The following TSHZ2 variants were observed in gnomAD, a reference collection of about 807,000 sequenced individuals.
TSHZ2 encodes teashirt zinc finger homeobox 2.
A neutral mutation model predicts 74.4 loss-of-function variants in TSHZ2; 21 were observed. The ratio of observed to expected loss-of-function variants is 0.28; its 90% CI spans 0.20 to 0.41. The LOEUF (loss-of-function observed/expected upper bound fraction) is 0.41, where lower values mean the gene tolerates loss of function less well. Among genes scored for constraint, TSHZ2 ranks in the 10% least tolerant of loss-of-function variants. The pLI, the probability that TSHZ2 is intolerant of heterozygous loss-of-function variation, is 1.00. For synonymous variants in TSHZ2, 540 were observed against 515.3 expected (o/e 1.05, Z -0.65); for missense variants, 1,244 against 1,293.5 (o/e 0.96, Z 0.59).
At chr20:53,233,014 T>C (rs1304227409) in intron 1 of TSHZ2, among the ~76,000 whole-genome samples, 1 of 152,242 alleles carries the variant, frequency 6.6e-6, no homozygotes, top group Non-Finnish European at 1.5e-5. Flanking sequence ...TTAAAAAAGA[T>C]CTTTATAATG....
In TSHZ2 at chr20:53,254,538, T is replaced by TGGCTACCAAAATGGAGCC. The variant is rs1990418902; in HGVS notation, c.1081_1098dup (p.Gly361_Ala366dup). On this transcript the variant is annotated inframe_insertion, in exon 2 of 3. Coordinates refer to ENST00000371497, the MANE Select transcript of TSHZ2 (RefSeq NM_173485.6). ...TGCAGTTGTCCTCCAACAACCGCTATGGCTACCAAAATGGAGCCAGCTACA... is the reference window on the plus strand; with the variant it reads ...TGCAGTTGTCCTCCAACAACCGCTATGGCTACCAAAATGGAGCCGGCTACCAAAATGGAGCCAGCTACA... The TGGCTACCAAAATGGAGCC allele has an allele frequency of 6.2e-7, 1 of 1,613,900 alleles. No homozygotes were observed. Among genetic ancestry groups the TGGCTACCAAAATGGAGCC allele is most frequent in the Admixed American group, 1.7e-5 (1 of 59,996 alleles).
intron 2 of TSHZ2, among the ~76,000 whole-genome samples, chr20:53,414,739 C>A (rs1983176919): frequency 6.6e-6 from 1 of 152,164 alleles, no homozygotes; most frequent in South Asian, 2.1e-4. Flanking sequence ...TAGACTTAAA[C>A]CAAGGGCTCA....
At chr20:53,041,090 C>G (rs957696551) in intron 1 of TSHZ2, among the ~76,000 whole-genome samples, 4 of 152,190 alleles carry the variant, frequency 2.6e-5, no homozygotes, top group African/African-American at 9.6e-5. Flanking sequence ...AATTACCAGA[C>G]AGTGGACTGA....
intron 2 of TSHZ2, chr20:53,399,215 G>A (rs529855288): frequency 6.6e-6 from 1 of 152,238 alleles, no homozygotes; most frequent in South Asian, 2.1e-4. Flanking sequence ...ATTCACACAC[G>A]ATAATTTAAA....
chr20:53,447,208 A>G (rs1383262943), intron 2 of TSHZ2, among the ~76,000 whole-genome samples: 1 of 152,006 alleles, frequency 6.6e-6, no homozygotes, highest in Non-Finnish European at 1.5e-5. Context: ...TTGTAGGACC[A>G]CTCACCGGAC....
chr20:53,472,639 A>AG (rs1259464022), intron 2 of TSHZ2, among the ~76,000 whole-genome samples: 2 of 147,840 alleles, frequency 1.4e-5, no homozygotes, highest in African/African-American at 5.4e-5. Flanking sequence ...AGAGCTCCTC[A>AG]GGGGGGAGGG....
At chr20:53,233,895 T>C (rs1195345176) in intron 1 of TSHZ2, among the ~76,000 whole-genome samples, 1 of 152,178 alleles carries the variant, frequency 6.6e-6, no homozygotes, top group Non-Finnish European at 1.5e-5. Flanking sequence ...ATAACATGCT[T>C]TGGATTTTCT....
At chr20:53,243,680 A>G (rs1990124821) in intron 1 of TSHZ2, among the ~76,000 whole-genome samples, 1 of 152,192 alleles carries the variant, frequency 6.6e-6, no homozygotes, top group Non-Finnish European at 1.5e-5. Flanking sequence ...CAATGACATG[A>G]AAATTCTTTC....
At position 53,394,904 on chromosome 20, in the gene TSHZ2, A is replaced by T. The variant is rs1007754547; in HGVS notation, c.*9-92240A>T. 2.5e-4 allele frequency among the ~76,000 whole-genome samples: 32 copies of T among 128,842 alleles called. 1 individual carries two copies. Among genetic ancestry groups the T allele is most frequent in the African/African-American group, 9.7e-4 (32 of 33,130 alleles). The allele number at this position is 128,842 out of a possible 152,430, so 84.5% of individuals were successfully genotyped here. A position where few individuals can be genotyped will look rare whatever the true frequency, so the allele number is the denominator to read the frequency against. Reference sequence around the variant, plus strand: ...AAAAAAAAGATCCAAAGTCCCCTCCACATGCAGCCTCCACTGGCTCTGTTC... The same window carrying T: ...AAAAAAAAGATCCAAAGTCCCCTCCTCATGCAGCCTCCACTGGCTCTGTTC... On this transcript the variant is annotated intron_variant, in intron 2 of 2. Transcript: ENST00000371497.
At chr20:53,265,652 G>C (rs1356648698) in intron 2 of TSHZ2, among the ~76,000 whole-genome samples, 1 of 152,224 alleles carries the variant, frequency 6.6e-6, no homozygotes, top group African/African-American at 2.4e-5. Context: ...CTGAGAATTG[G>C]TGACATTCTG....
chr20:53,093,469 T>C (rs1985947405), intron 1 of TSHZ2, among the ~76,000 whole-genome samples: 1 of 152,226 alleles, frequency 6.6e-6, no homozygotes, highest in Non-Finnish European at 1.5e-5. Flanking sequence ...TTTTCCAACA[T>C]GGTGGTGCTG....
At chr20:53,387,484 G>C (rs886616669) in intron 2 of TSHZ2, among the ~76,000 whole-genome samples, 10 of 152,204 alleles carry the variant, frequency 6.6e-5, no homozygotes, top group African/African-American at 2.4e-4. Flanking sequence ...CAGAACAGCA[G>C]TCACAGGAAA....
chr20:53,143,614 C>A (rs1033711153), intron 1 of TSHZ2, among the ~76,000 whole-genome samples: 1 of 152,124 alleles, frequency 6.6e-6, no homozygotes, highest in East Asian at 1.9e-4. Context: ...ATGGCGTGAA[C>A]ACGGGAGGAA....
intron 2 of TSHZ2, among the ~76,000 whole-genome samples, chr20:53,391,051 A>G (rs942503009): frequency 6.6e-6 from 1 of 152,260 alleles, no homozygotes; most frequent in Non-Finnish European, 1.5e-5. Context: ...AAAAACAGGC[A>G]GCTGGGCCAG....
intron 1 of TSHZ2, among the ~76,000 whole-genome samples, chr20:53,056,695 C>A (rs1293814317): frequency 6.6e-6 from 1 of 152,200 alleles, no homozygotes; most frequent in African/African-American, 2.4e-5. Flanking sequence ...GTGTTCTTGT[C>A]ACCTCATGCA....
chr20:53,238,718 T>A (rs888282760), intron 1 of TSHZ2, among the ~76,000 whole-genome samples: 25 of 151,490 alleles, frequency 1.7e-4, no homozygotes, highest in African/African-American at 5.8e-4. Context: ...GAAATTAAAC[T>A]CCCAGAGGGC....
At chr20:53,198,536 G>A (rs1183943647) in intron 1 of TSHZ2, among the ~76,000 whole-genome samples, 1 of 152,178 alleles carries the variant, frequency 6.6e-6, no homozygotes, top group Non-Finnish European at 1.5e-5. Context: ...TCTCAACACT[G>A]ATTCCTGAGC....
At position 53,030,953 on chromosome 20, in the gene TSHZ2, A is replaced by G. The variant is rs116112611; in HGVS notation, c.40+57620A>G. Among the ~76,000 whole-genome samples the G allele has an allele frequency of 6.1e-3, 924 of 152,370 alleles. 3 individuals are homozygous for G. The highest frequency in any genetic ancestry group is 0.019 in the African/African-American group (776 of 41,586). ...GTGATAAATATTCCATTGTATGGATAGGACATATTTATTTAACCTATTAAC... is the reference window on the plus strand; with the variant it reads ...GTGATAAATATTCCATTGTATGGATGGGACATATTTATTTAACCTATTAAC... On this transcript the variant is annotated intron_variant, in intron 1 of 2. Coordinates refer to ENST00000371497, the MANE Select transcript of TSHZ2 (RefSeq NM_173485.6).
In TSHZ2 at chr20:53,489,863, C is replaced by T. The variant is rs1986402507; in HGVS notation, c.*2728C>T. 1 of 152,142 alleles carries T rather than the reference C, an allele frequency of 6.6e-6. No homozygotes were observed. Among genetic ancestry groups the T allele is most frequent in the Non-Finnish European group, 1.5e-5 (1 of 68,042 alleles). The allele number at this position is 152,142 out of a possible 1,614,324, so 9.4% of individuals were successfully genotyped here. A position where few individuals can be genotyped will look rare whatever the true frequency, so the allele number is the denominator to read the frequency against. The stretch of plus-strand genomic sequence containing the variant: ...CCAGGCCTGTCTTCACTCAGCCAGC[C>T]CTCTGAGGCTTCTAGAAACTTCTTT... On this transcript the variant is annotated 3_prime_UTR_variant, in exon 3 of 3. Coordinates refer to ENST00000371497, the MANE Select transcript of TSHZ2 (RefSeq NM_173485.6).
Sources: gnomAD v4.1 joint callset for allele counts (sites outside exome capture counted in the v4.1 genomes callset) on GRCh38, gnomAD v4.1.1 for gene constraint, MANE v1.5 for transcripts, NCBI Gene and HGNC (gene_info 2026-07-23, HGNC 2026-07-21) for gene names.